DLGAP2: variants seen among roughly 807,000 people sequenced by gnomAD.
DLGAP2 encodes the protein disks large-associated protein 2.
DLGAP2 carries 26 observed loss-of-function variants against 100.3 expected under a neutral mutation model. That is an observed-to-expected ratio of 0.26 (90% CI 0.19 to 0.36). The LOEUF (loss-of-function observed/expected upper bound fraction) is 0.36, where lower values mean the gene tolerates loss of function less well. Among genes scored for constraint, DLGAP2 ranks in the 10% least tolerant of loss-of-function variants. DLGAP2 has a pLI of 1.00. For missense variants in DLGAP2, 1,858 were observed against 1,453.2 expected (o/e 1.28, Z -4.53); for synonymous variants, 886 against 630.1 (o/e 1.41, Z -6.08).
At chr8:801,973 ACCCCTCCTGGGTCCTCTGTCCT>A (rs1796164497) in intron 1 of DLGAP2, among the ~76,000 whole-genome samples, 1 of 143,556 alleles carries the variant, frequency 7.0e-6, no homozygotes. Flanking sequence ...AACGGTCTGC[ACCCCTCCTGGGTCCTCTGTCCT>A]CACAGCCTGA....
chr8:1,389,931 C>T lies in DLGAP2; in HGVS notation c.107-111435C>T, dbSNP rs740242. Among the ~76,000 whole-genome samples the T allele has an allele frequency of 3.6e-3, 547 of 152,130 alleles. 11 individuals are homozygous for T. In the East Asian group the frequency reaches 0.051, roughly 14 times the overall value. On this transcript the variant is annotated intron_variant, in intron 3 of 14. Coordinates refer to ENST00000637795, the MANE Select transcript of DLGAP2 (RefSeq NM_001346810.2). ...CGTCCCACAGAGAGGGGCCGCGGAG[C>T]ACCCAGCTCCGGCACAGACAGCTCT... is the stretch of plus-strand genomic sequence containing the variant.
intron 12 of DLGAP2, among the ~76,000 whole-genome samples, chr8:1,689,831 C>T (rs1435194568): frequency 6.6e-6 from 1 of 152,210 alleles, no homozygotes; most frequent in Non-Finnish European, 1.5e-5. Flanking sequence ...GCCCTGGCCC[C>T]ACGTGCTGAC....
chr8:1,341,509 G>T (rs17754562), intron 3 of DLGAP2, among the ~76,000 whole-genome samples: 25,779 of 152,206 alleles, frequency 0.17, 2,646 homozygotes, highest in Admixed American at 0.27. Context: ...TCTGCCTACA[G>T]TATGGGCTGG....
At chr8:1,206,502 T>C (rs1239603035) in intron 2 of DLGAP2, among the ~76,000 whole-genome samples, 10 of 151,042 alleles carry the variant, frequency 6.6e-5, no homozygotes, top group South Asian at 4.2e-4. Flanking sequence ...GGGTAGACTG[T>C]GAGCGGTTAA....
chr8:1,541,140 C>T (rs1801349762), intron 4 of DLGAP2, among the ~76,000 whole-genome samples: 1 of 152,178 alleles, frequency 6.6e-6, no homozygotes, highest in South Asian at 2.1e-4. Context: ...GTAAACTTTG[C>T]CAACTAACCT....
At chr8:1,056,628 C>G (rs764267640) in intron 2 of DLGAP2, among the ~76,000 whole-genome samples, 1 of 152,234 alleles carries the variant, frequency 6.6e-6, no homozygotes, top group South Asian at 2.1e-4. Context: ...ACCGGCACAC[C>G]CGTGCCAAAA....
At chr8:1,672,694 C>T in intron 10 of DLGAP2, among the ~76,000 whole-genome samples, 1 of 152,228 alleles carries the variant, frequency 6.6e-6, no homozygotes, top group Admixed American at 6.5e-5. Flanking sequence ...TGCCCCAGAG[C>T]TCCAAGCCTC....
intron 3 of DLGAP2, among the ~76,000 whole-genome samples, chr8:1,468,247 T>C (rs1798679737): frequency 7.1e-6 from 1 of 140,110 alleles, no homozygotes; most frequent in African/African-American, 2.7e-5. Flanking sequence ...TTCTGAGAAT[T>C]GTGCCCTGTT....
At chr8:1,516,219 G>A (rs1027250823) in intron 4 of DLGAP2, among the ~76,000 whole-genome samples, 1 of 152,122 alleles carries the variant, frequency 6.6e-6, no homozygotes, top group African/African-American at 2.4e-5. Context: ...GCATGAATGA[G>A]TGAGTGAATG....
At chr8:822,285 A>AGCG in intron 1 of DLGAP2, 2 of 398,884 alleles carry the variant, frequency 5.0e-6, no homozygotes, top group Non-Finnish European at 8.8e-6. Flanking sequence ...TGGGTGCTCC[A>AGCG]CCCGGGGAGG....
chr8:1,224,518 A>G (rs1368535958), intron 2 of DLGAP2, among the ~76,000 whole-genome samples: 1 of 152,164 alleles, frequency 6.6e-6, no homozygotes, highest in African/African-American at 2.4e-5. Context: ...AGAAATTAAT[A>G]AAATATAGAA....
At position 1,056,256 on chromosome 8, in the gene DLGAP2, G is replaced by A. The variant is rs539092604; in HGVS notation, c.73+148290G>A. ...CATAGTTTTACAAGGGCCTGGTCAC[G>A]TGGGCCTCTCCACTCGTGGCATCTG... On this transcript the variant is annotated intron_variant, in intron 2 of 14. Coordinates refer to ENST00000637795, the MANE Select transcript of DLGAP2 (RefSeq NM_001346810.2). Among the ~76,000 whole-genome samples, 9 of 152,296 alleles carry A rather than the reference G, an allele frequency of 5.9e-5. No individual in the cohort carries two copies. The South Asian group carries it at 1.0e-3, about 18-fold the overall frequency.
chr8:826,848 A>G lies in DLGAP2; in HGVS notation c.19-81064A>G, dbSNP rs182503360. 5.9e-5 allele frequency among the ~76,000 whole-genome samples: 9 copies of G among 152,146 alleles called. No homozygotes were observed. The East Asian group carries it at 1.7e-3, about 29-fold the overall frequency. ...TTTATGTGGATTTGAGGAAGGAGAG[A>G]GAAGCTTAGGGGTGTGCTCATTTTC... On this transcript the variant is annotated intron_variant, in intron 1 of 14. Coordinates refer to ENST00000637795, the MANE Select transcript of DLGAP2 (RefSeq NM_001346810.2).
chr8:1,047,425 A>G (rs1054819350), intron 2 of DLGAP2, among the ~76,000 whole-genome samples: 1 of 152,170 alleles, frequency 6.6e-6, no homozygotes, highest in Non-Finnish European at 1.5e-5. Flanking sequence ...ATATTTTAAA[A>G]TCCAAAATGC....
rs189596017 is a variant in DLGAP2 at position 1,089,281 on chromosome 8, C to T, written c.74-169570C>T. Among the ~76,000 whole-genome samples the T allele has an allele frequency of 3.7e-3, 557 of 152,392 alleles. 4 individuals carry two copies. The highest frequency in any genetic ancestry group is 6.2e-3 in the Non-Finnish European group (422 of 68,046). ...TAGGCCTGCACAGGCTTTCTCCGGA[C>T]ATGGTCTATTGGTCTGTATATGTCG... On this transcript the variant is annotated intron_variant, in intron 2 of 14. Transcript: ENST00000637795.
intron 5 of DLGAP2, among the ~76,000 whole-genome samples, chr8:1,559,395 G>T (rs1802082434): frequency 1.3e-5 from 2 of 152,178 alleles, no homozygotes; most frequent in Non-Finnish European, 2.9e-5. Flanking sequence ...GCTGAGGCAG[G>T]CTGGCATTTT....
At chr8:1,203,016 A>G (rs12155802) in intron 2 of DLGAP2, among the ~76,000 whole-genome samples, 85,882 of 151,706 alleles carry the variant, frequency 0.57, 26,666 homozygotes, top group African/African-American at 0.83. Context: ...CCACCACCCC[A>G]TCCATCTGCC....
intron 3 of DLGAP2, among the ~76,000 whole-genome samples, chr8:1,290,790 C>A (rs1349673270): frequency 1.3e-5 from 2 of 152,184 alleles, no homozygotes. Context: ...GGCCTGATAG[C>A]TTGGAGCTGT....
At chr8:1,166,885 A>G (rs1344921038) in intron 2 of DLGAP2, among the ~76,000 whole-genome samples, 3 of 152,220 alleles carry the variant, frequency 2.0e-5, no homozygotes, top group Non-Finnish European at 2.9e-5. Flanking sequence ...TTTTGAAAGA[A>G]AAAAACACTC....
Sources: allele counts gnomAD v4.1 joint callset (sites outside exome capture counted in the v4.1 genomes callset), GRCh38; gene constraint gnomAD v4.1.1; transcripts MANE v1.5; gene names NCBI Gene and HGNC (gene_info 2026-07-23, HGNC 2026-07-21).